Variants in KIF16B observed in about 807,000 individuals in gnomAD.
KIF16B encodes kinesin family member 16B, also known as kinesin-like protein KIF16B.
KIF16B carries 98 observed loss-of-function variants against 156.3 expected under a neutral mutation model. The ratio of observed to expected loss-of-function variants is 0.63; its 90% CI spans 0.53 to 0.74. The LOEUF (loss-of-function observed/expected upper bound fraction) is 0.74. Among genes scored for constraint, KIF16B ranks in the 30% least tolerant of loss-of-function variants. The probability of loss-of-function intolerance (pLI) is 0.00; values close to 1 mark genes in which losing one functional copy is unlikely to be tolerated. For synonymous variants in KIF16B, 564 were observed against 583.7 expected (o/e 0.97, Z 0.49); for missense variants, 1,421 against 1,606.5 (o/e 0.88, Z 1.97).
chr20:16,501,737 TG>T (rs2146982086), intron 10 of KIF16B, among the ~76,000 whole-genome samples: 1 of 152,126 alleles, frequency 6.6e-6, no homozygotes, highest in Admixed American at 6.5e-5. Flanking sequence ...CTGAAAGAAG[TG>T]AGATCAAAAG....
intron 24 of KIF16B, among the ~76,000 whole-genome samples, chr20:16,329,518 G>A (rs953671882): frequency 6.6e-6 from 1 of 152,176 alleles, no homozygotes; most frequent in Non-Finnish European, 1.5e-5. Context: ...CTGCTCTCTG[G>A]AAGATGCTGC....
chr20:16,525,372 C>T (rs375628422), intron 3 of KIF16B, among the ~76,000 whole-genome samples: 2 of 152,100 alleles, frequency 1.3e-5, no homozygotes, highest in Admixed American at 6.5e-5. Flanking sequence ...TGCGTTTTTC[C>T]TTCTATACTG....
intron 15 of KIF16B, among the ~76,000 whole-genome samples, chr20:16,407,667 G>C (rs2065820782): frequency 6.6e-6 from 1 of 152,100 alleles, no homozygotes; most frequent in South Asian, 2.1e-4. Flanking sequence ...CAAAGTTCAG[G>C]ATGTTTGAAA....
intron 19 of KIF16B, 65 bp downstream of exon 19, chr20:16,378,740 A>T: frequency 7.1e-7 from 1 of 1,416,264 alleles, no homozygotes; most frequent in Non-Finnish European, 9.6e-7. Context: ...ACACAACATG[A>T]GGAGTGAAAA....
At chr20:16,485,552 GT>G (rs200677543) in intron 12 of KIF16B, among the ~76,000 whole-genome samples, 17,765 of 147,606 alleles carry the variant, frequency 0.12, 1,323 homozygotes, top group Non-Finnish European at 0.17. Flanking sequence ...CATATGGATA[GT>G]TACAACACAT....
At chr20:16,296,812 A>G (rs918940007) in intron 25 of KIF16B, among the ~76,000 whole-genome samples, 5 of 152,254 alleles carry the variant, frequency 3.3e-5, no homozygotes, top group Non-Finnish European at 7.3e-5. Context: ...TATTTGGTCA[A>G]CATTATTTGG....
At chr20:16,432,192 A>G (rs62199770) in intron 12 of KIF16B, among the ~76,000 whole-genome samples, 731 of 152,224 alleles carry the variant, frequency 4.8e-3, no homozygotes, top group Middle Eastern at 0.014. Flanking sequence ...TAGAAAGCAG[A>G]CAAATTCCAG....
rs777869169 is a variant in KIF16B at position 16,508,110 on chromosome 20, A to G, written c.557-10T>C. The G allele has an allele frequency of 6.2e-7, 1 of 1,613,686 alleles. No individual in the cohort carries two copies. Among genetic ancestry groups the G allele is most frequent in the Non-Finnish European group, 8.5e-7 (1 of 1,179,714 alleles). ...AAATGTTTGGATAAATCTGAAAAAG[A>G]AAATGGAAGGGGTGAAGAAATCCCC... On this transcript the variant is annotated splice_polypyrimidine_tract_variant and intron_variant, in intron 6 of 25. Coordinates refer to ENST00000354981, the MANE Select transcript of KIF16B (RefSeq NM_024704.5).
intron 24 of KIF16B, among the ~76,000 whole-genome samples, chr20:16,330,975 C>T (rs904294293): frequency 2.6e-5 from 4 of 152,192 alleles, no homozygotes; most frequent in African/African-American, 4.8e-5. Flanking sequence ...CTCAGACAGC[C>T]GAGTGGACTG....
chr20:16,382,055 G>T, intron 17 of KIF16B: 1 of 1,225,632 alleles, frequency 8.2e-7, no homozygotes, highest in Non-Finnish European at 1.1e-6. Flanking sequence ...TCTACTCCAT[G>T]CAGCTTAGCA....
Position 16,427,215 on chromosome 20 carries a change from C to T in KIF16B, c.1501G>A (p.Glu501Lys). The change falls in exon 15 of 26, where the codon GAG (glutamate) becomes AAG (lysine). Residue 501 changes from glutamate (E) to lysine (K), a missense_variant. Physicochemically the swap from Glu to Lys is moderately conservative, Grantham distance 56. Transcript: ENST00000354981. ...CCGATATTTTCAAAGATGCAATGCT[C>T]ACTCTCCAAGTCAAGGCCATGAAGA... is the stretch of plus-strand genomic sequence containing the variant. ...IVLHGLDLES[E>K]HCIFENIGGT... 1.2e-6 allele frequency: 2 copies of T among 1,612,494 alleles called. No homozygotes were observed. The highest frequency in any genetic ancestry group is 2.2e-5 in the East Asian group (1 of 44,802).
intron 12 of KIF16B, among the ~76,000 whole-genome samples, chr20:16,436,313 G>A (rs1206394118): frequency 1.3e-5 from 2 of 152,090 alleles, no homozygotes; most frequent in African/African-American, 4.8e-5. Context: ...AGGGCTAGGA[G>A]GTCTCACCTG....
intron 1 of KIF16B, among the ~76,000 whole-genome samples, chr20:16,571,754 C>G (rs140125179): frequency 6.6e-6 from 1 of 151,862 alleles, no homozygotes; most frequent in African/African-American, 2.4e-5. Context: ...CTCAACCTCA[C>G]GAGTAGCTGG....
intron 1 of KIF16B, among the ~76,000 whole-genome samples, chr20:16,563,795 A>T (rs1389274956): frequency 6.6e-6 from 1 of 152,256 alleles, no homozygotes; most frequent in East Asian, 1.9e-4. Context: ...TTAAACTACT[A>T]ATACACCTTG....
chr20:16,311,747 C>G (rs985791386), intron 25 of KIF16B, among the ~76,000 whole-genome samples: 4 of 152,114 alleles, frequency 2.6e-5, no homozygotes, highest in Non-Finnish European at 4.4e-5. Context: ...ACCAAATAAG[C>G]AACTATATCC....
chr20:16,399,604 A>G (rs982886093), intron 17 of KIF16B, among the ~76,000 whole-genome samples: 1 of 152,208 alleles, frequency 6.6e-6, no homozygotes, highest in Non-Finnish European at 1.5e-5. Flanking sequence ...GACAGGCCAC[A>G]CAAACCCGAG....
intron 17 of KIF16B, among the ~76,000 whole-genome samples, chr20:16,394,637 C>A (rs2065448137): frequency 6.6e-6 from 1 of 152,032 alleles, no homozygotes. Context: ...AGTAAATAAC[C>A]ATCAACTAAA....
At chr20:16,356,490 A>T (rs772991074) in intron 22 of KIF16B, 38 bp from the exon 23 acceptor site, 1 of 1,611,908 alleles carries the variant, frequency 6.2e-7, no homozygotes, top group East Asian at 2.2e-5. Context: ...ACAAAGAGAA[A>T]CCAGAATCAC....
chr20:16,502,654 CTCT>C (rs1199986665), intron 10 of KIF16B, among the ~76,000 whole-genome samples: 1 of 152,026 alleles, frequency 6.6e-6, no homozygotes, highest in Non-Finnish European at 1.5e-5. Context: ...ATAACAATAC[CTCT>C]GAAGGCATTT....
Sources: gnomAD v4.1 joint callset for allele counts (sites outside exome capture counted in the v4.1 genomes callset) on GRCh38, gnomAD v4.1.1 for gene constraint, MANE v1.5 for transcripts, NCBI Gene and HGNC (gene_info 2026-07-23, HGNC 2026-07-21) for gene names.